METTL2A: variants seen among roughly 807,000 people sequenced by gnomAD.
METTL2A encodes the protein methyltransferase 2A, tRNA N3-cytidine.
METTL2A carries 45 observed loss-of-function variants against 49.4 expected under a neutral mutation model. The ratio of observed to expected loss-of-function variants is 0.91; its 90% CI spans 0.72 to 1.17. The LOEUF (loss-of-function observed/expected upper bound fraction) is 1.17. METTL2A is among the 50% of genes most tolerant of loss of function. The pLI is 0.00. For synonymous variants in METTL2A, 118 were observed against 167.5 expected (o/e 0.70, Z 2.28); for missense variants, 361 against 462.2 (o/e 0.78, Z 2.01).
intron 5 of METTL2A, among the ~76,000 whole-genome samples, chr17:62,439,430 G>C (rs1348788097): frequency 1.3e-5 from 2 of 149,042 alleles, no homozygotes; most frequent in African/African-American, 2.5e-5. Context: ...TTGTTTGTTT[G>C]TTTGTTTTTG....
At position 62,425,426 on chromosome 17, in the gene METTL2A, C is replaced by T. The variant is rs577027451; in HGVS notation, c.203-873C>T. Among the ~76,000 whole-genome samples the T allele has an allele frequency of 1.7e-3, 229 of 134,922 alleles. 1 individual carries two copies. The highest frequency in any genetic ancestry group is 3.0e-3 in the Non-Finnish European group (192 of 64,580). 88.5% of individuals were successfully genotyped at this position (134,922 alleles called of 152,430 possible). A position where few individuals can be genotyped will look rare whatever the true frequency, so the allele number is the denominator to read the frequency against. ...TTTTGGAGATGGAGTCTCGCTCTGTCACCAGGCTGGAGTGCAGTGGCACGA... is the reference window on the plus strand; with the variant it reads ...TTTTGGAGATGGAGTCTCGCTCTGTTACCAGGCTGGAGTGCAGTGGCACGA... On this transcript the variant is annotated intron_variant, in intron 2 of 8. Coordinates refer to ENST00000311506, the MANE Select transcript of METTL2A (RefSeq NM_181725.4).
intron 5 of METTL2A, among the ~76,000 whole-genome samples, chr17:62,439,485 G>C (rs2070723652): frequency 6.6e-6 from 1 of 151,972 alleles, no homozygotes; most frequent in Non-Finnish European, 1.5e-5. Context: ...CCAGGCTGGA[G>C]TGCAGTGGTG....
At chr17:62,424,421 T>C in intron 2 of METTL2A, 111 bp downstream of exon 2, 1 of 1,478,692 alleles carries the variant, frequency 6.8e-7, no homozygotes, top group Non-Finnish European at 9.2e-7. Context: ...CCTGGCCTGA[T>C]GCAGATCTCA....
rs1205220095 is a variant in METTL2A at position 62,449,893 on chromosome 17, C to G, written c.*1164C>G. On this transcript the variant is annotated 3_prime_UTR_variant, in exon 9 of 9. Coordinates refer to ENST00000311506, the MANE Select transcript of METTL2A (RefSeq NM_181725.4). ...GTCAGGAGATCGAGACCATCCTGGC[C>G]AACACGGTGAAACCTCGTCTCCACT... 6.5e-6 allele frequency: 1 copy of G among 154,822 alleles called. No individual in the cohort carries two copies. The highest frequency in any genetic ancestry group is 2.4e-5 in the African/African-American group (1 of 41,290). 9.6% of individuals were successfully genotyped at this position (154,822 alleles called of 1,614,324 possible).
Position 62,424,268 on chromosome 17 carries a change from G to T in METTL2A, c.160G>T (p.Val54Phe). The T allele has an allele frequency of 6.2e-7, 1 of 1,614,054 alleles. No individual in the cohort carries two copies. Among genetic ancestry groups the T allele is most frequent in the Non-Finnish European group, 8.5e-7 (1 of 1,179,954 alleles). ...EEQAAAAERKVQENSIQRVCQ... is the reference protein window; with the variant it reads ...EEQAAAAERKFQENSIQRVCQ... Reference sequence around the variant, plus strand: ...GCAAGCCGCGGCGGCGGAGAGAAAAGTCCAGGAGAACAGTATCCAGCGGGT... The same window carrying T: ...GCAAGCCGCGGCGGCGGAGAGAAAATTCCAGGAGAACAGTATCCAGCGGGT... The change falls in exon 2 of 9, where the codon GTC becomes TTC. Residue 54 changes from valine to phenylalanine, a missense_variant. Coordinates refer to ENST00000311506, the MANE Select transcript of METTL2A (RefSeq NM_181725.4).
chr17:62,440,645 G>C lies in METTL2A; in HGVS notation c.698G>C (p.Cys233Ser), dbSNP rs377157364. The C allele has an allele frequency of 8.8e-5, 142 of 1,613,570 alleles. No homozygotes were observed. The highest frequency in any genetic ancestry group is 1.1e-4 in the Non-Finnish European group (131 of 1,179,926). Reference protein sequence around the residue: ...QTNSEYDPSRCFAFVHDLCDE... With the variant: ...QTNSEYDPSRSFAFVHDLCDE... Reference sequence around the variant, plus strand: ...AATTCAGAATATGATCCTTCTCGGTGTTTTGCCTTTGTTCACGACCTGTGT... The same window carrying C: ...AATTCAGAATATGATCCTTCTCGGTCTTTTGCCTTTGTTCACGACCTGTGT... Residue 233 changes from cysteine (C) to serine (S), a missense_variant, in exon 6 of 9, where the codon TGT becomes TCT. Physicochemically the swap from Cys to Ser is moderately radical, Grantham distance 112. This residue lies in a region of METTL2A where 183 missense variants were observed against 216.5 expected (regional missense o/e 0.85). Coordinates refer to ENST00000311506, the MANE Select transcript of METTL2A (RefSeq NM_181725.4).
chr17:62,448,952 A>T lies in METTL2A; in HGVS notation c.*223A>T. ...AAAAAATATAAATGAGGTCTCGTTG[A>T]TGTTGGACAATTCAAGAATTCAGAC... On this transcript the variant is annotated 3_prime_UTR_variant, in exon 9 of 9. Coordinates refer to ENST00000311506, the MANE Select transcript of METTL2A (RefSeq NM_181725.4). The T allele has an allele frequency of 2.0e-6, 1 of 512,256 alleles. No individual in the cohort carries two copies. Among genetic ancestry groups the T allele is most frequent in the Non-Finnish European group, 3.1e-6 (1 of 322,004 alleles). The allele number at this position is 512,256 out of a possible 1,614,324, so 31.7% of individuals were successfully genotyped here.
intron 4 of METTL2A, among the ~76,000 whole-genome samples, chr17:62,433,411 T>G (rs1314276170): frequency 6.8e-6 from 1 of 146,878 alleles, no homozygotes; most frequent in Non-Finnish European, 1.5e-5. Flanking sequence ...CCAGCGTGGG[T>G]GACAAAAGCA....
At chr17:62,429,377 G>A (rs1195510648) in intron 4 of METTL2A, among the ~76,000 whole-genome samples, 1 of 151,996 alleles carries the variant, frequency 6.6e-6, no homozygotes, top group Non-Finnish European at 1.5e-5. Flanking sequence ...TGCAACCTCC[G>A]CCTTCCGGGT....
At chr17:62,447,244 C>T (rs1173309054) in intron 7 of METTL2A, among the ~76,000 whole-genome samples, 1 of 152,034 alleles carries the variant, frequency 6.6e-6, no homozygotes, top group Non-Finnish European at 1.5e-5. Flanking sequence ...CATGGTGAAA[C>T]CCTGACTCTA....
chr17:62,441,200 T>TGTA (rs2070736795), intron 6 of METTL2A, among the ~76,000 whole-genome samples: 1 of 152,236 alleles, frequency 6.6e-6, no homozygotes, highest in Non-Finnish European at 1.5e-5. Context: ...TTTGTAGTGA[T>TGTA]GTGAGCATCT....
intron 4 of METTL2A, among the ~76,000 whole-genome samples, chr17:62,431,226 C>G (rs928990953): frequency 2.0e-5 from 3 of 152,032 alleles, no homozygotes; most frequent in African/African-American, 4.8e-5. Flanking sequence ...GTCTCGAACT[C>G]CTGACCTCAG....
chr17:62,430,333 C>T (rs2144138720), intron 4 of METTL2A, among the ~76,000 whole-genome samples: 1 of 152,322 alleles, frequency 6.6e-6, no homozygotes, highest in Admixed American at 6.5e-5. Context: ...ATGTAGATGG[C>T]ATCTTTGCCA....
Position 62,445,103 on chromosome 17 carries a change from T to A in METTL2A, c.916+160T>A, listed in dbSNP as rs188600493. Among the ~76,000 whole-genome samples the A allele has an allele frequency of 3.2e-4, 34 of 104,756 alleles. No individual in the cohort carries two copies. The East Asian group carries it at 5.5e-3, about 17-fold the overall frequency. 68.7% of individuals were successfully genotyped at this position (104,756 alleles called of 152,430 possible). A position where few individuals can be genotyped will look rare whatever the true frequency, so the allele number is the denominator to read the frequency against. On this transcript the variant is annotated intron_variant, in intron 7 of 8. Coordinates refer to ENST00000311506, the MANE Select transcript of METTL2A (RefSeq NM_181725.4). ...GTGGGAGTTGAACAATGAGAACACA[T>A]GGACACGGGGCGGGGGGCATCACAC... is the stretch of plus-strand genomic sequence containing the variant.
intron 2 of METTL2A, among the ~76,000 whole-genome samples, 192 bp from the exon 3 acceptor site, chr17:62,426,106 TA>T (rs1423535301): frequency 7.9e-5 from 12 of 152,020 alleles, no homozygotes; most frequent in Non-Finnish European, 1.5e-4. Context: ...TAATGACGGA[TA>T]GGGGCATTAG....
At chr17:62,448,356 AG>A (rs2070782451) in intron 8 of METTL2A, among the ~76,000 whole-genome samples, 1 of 152,132 alleles carries the variant, frequency 6.6e-6, no homozygotes, top group East Asian at 1.9e-4. Context: ...TATAAACCAA[AG>A]GTTTTTAAAA....
intron 3 of METTL2A, among the ~76,000 whole-genome samples, chr17:62,427,352 T>TTAA (rs1192412764): frequency 4.6e-5 from 7 of 152,324 alleles, no homozygotes; most frequent in African/African-American, 1.7e-4. Context: ...TGGCACATAG[T>TTAA]TAAGCCCTTA....
chr17:62,425,956 G>A (rs2070622323), intron 2 of METTL2A, among the ~76,000 whole-genome samples: 1 of 150,656 alleles, frequency 6.6e-6, no homozygotes, highest in African/African-American at 2.4e-5. Context: ...AGCCAAGATT[G>A]CGCCCCTGCA....
chr17:62,441,399 TG>T (rs1567736775), intron 6 of METTL2A, among the ~76,000 whole-genome samples: 1 of 152,192 alleles, frequency 6.6e-6, no homozygotes, highest in Non-Finnish European at 1.5e-5. Context: ...CTGTGAACTG[TG>T]GGTGTCACAG....
Sources: allele counts gnomAD v4.1 joint callset (sites outside exome capture counted in the v4.1 genomes callset), GRCh38; gene constraint gnomAD v4.1.1; regional missense constraint gnomAD v4.1.1; transcripts MANE v1.5; gene names NCBI Gene and HGNC (gene_info 2026-07-23, HGNC 2026-07-21).